DNAH11: variants seen among roughly 807,000 people sequenced by gnomAD.
The protein encoded by DNAH11 is axonemal beta dynein heavy chain 11.
Under a neutral mutation model 526.0 loss-of-function variants are expected in DNAH11, and 442 were observed. The ratio of observed to expected loss-of-function variants is 0.84; its 90% confidence interval spans 0.78 to 0.91. The LOEUF is 0.91. Ranked by LOEUF, DNAH11 falls within the 40% of genes least tolerant of loss-of-function variation. The pLI is 0.00. For synonymous variants in DNAH11, 2,461 were observed against 1,935.9 expected (o/e 1.27, Z -7.12); for missense variants, 6,989 against 5,448.7 (o/e 1.28, Z -8.90).
chr7:21,644,702 G>A (rs1787273428), intron 28 of DNAH11, among the ~76,000 whole-genome samples: 1 of 152,178 alleles, frequency 6.6e-6, no homozygotes, highest in Non-Finnish European at 1.5e-5. Context: ...AGGAATAGAA[G>A]CTGCTCATGA....
At chr7:21,767,440 A>T (rs2127974943) in intron 55 of DNAH11, among the ~76,000 whole-genome samples, 1 of 152,192 alleles carries the variant, frequency 6.6e-6, no homozygotes, top group East Asian at 1.9e-4. Context: ...AAGGAGTTTG[A>T]TATGCCGTTG....
At chr7:21,791,896 T>C (rs1281168871) in intron 61 of DNAH11, among the ~76,000 whole-genome samples, 3 of 152,218 alleles carry the variant, frequency 2.0e-5, no homozygotes, top group Non-Finnish European at 4.4e-5. Flanking sequence ...AAATACCTGA[T>C]ACTGGGTAAC....
chr7:21,823,591 A>G (rs1790147506), intron 65 of DNAH11, among the ~76,000 whole-genome samples: 1 of 152,016 alleles, frequency 6.6e-6, no homozygotes, highest in Admixed American at 6.6e-5. Context: ...CCCCCTTACA[A>G]TATGCTTAAT....
intron 11 of DNAH11, 70 bp from the exon 12 acceptor site, chr7:21,589,138 A>C: frequency 1.8e-6 from 2 of 1,135,078 alleles, no homozygotes; most frequent in Non-Finnish European, 2.5e-6. Flanking sequence ...ATATTGTATT[A>C]CTATACAATT....
chr7:21,705,139 T>TACTC (rs10693641), intron 38 of DNAH11, among the ~76,000 whole-genome samples: 6,497 of 152,214 alleles, frequency 0.043, 459 homozygotes, highest in African/African-American at 0.15. Flanking sequence ...TATAAATCAT[T>TACTC]AGTTGTAGAT....
chr7:21,684,222 C>A (rs1225381045), intron 32 of DNAH11, among the ~76,000 whole-genome samples: 1 of 152,152 alleles, frequency 6.6e-6, no homozygotes, highest in East Asian at 1.9e-4. Context: ...CTCCCTCCAC[C>A]CCCACAGGAT....
At position 21,561,067 on chromosome 7, in the gene DNAH11, T is replaced by C. The variant is rs781560218; in HGVS notation, c.883-4T>C. ...AAAGTTCTTCTTTTTTTCCTTTAAC[T>C]TAGCTTCAGGCACCTGTTGTCCTCA... On this transcript the variant is annotated splice_polypyrimidine_tract_variant and splice_region_variant and intron_variant, in intron 4 of 81. Transcript: ENST00000409508. The C allele has an allele frequency of 8.2e-6, 13 of 1,584,576 alleles. No homozygotes were observed. The highest frequency in any genetic ancestry group is 1.7e-4 in the Middle Eastern group (1 of 6,020).
At chr7:21,724,693 CATCTGTGGATATGGGAGTA>C (rs1583629959) in intron 44 of DNAH11, among the ~76,000 whole-genome samples, 137 of 103,140 alleles carry the variant, frequency 1.3e-3, no homozygotes, top group East Asian at 2.2e-3. Context: ...TGGGCCAGGT[CATCTGTGGATATGGGAGTA>C]ACTGGGCCAG....
chr7:21,707,931 T>G, intron 40 of DNAH11, 96 bp downstream of exon 40: 1 of 1,285,166 alleles, frequency 7.8e-7, no homozygotes, highest in Non-Finnish European at 1.0e-6. Flanking sequence ...GCAGACTTAC[T>G]GTTTATGTGT....
chr7:21,754,187 A>T (rs550415548), intron 54 of DNAH11, among the ~76,000 whole-genome samples: 1 of 152,054 alleles, frequency 6.6e-6, no homozygotes, highest in African/African-American at 2.4e-5. Context: ...CTTGATTCTT[A>T]CTTTAATGGG....
At chr7:21,599,682 C>A (rs1455326396) in intron 14 of DNAH11, 105 bp from the exon 15 acceptor site, 2 of 847,500 alleles carry the variant, frequency 2.4e-6, no homozygotes, top group Admixed American at 6.6e-5. Flanking sequence ...CTGTCTTGTG[C>A]ACAACAATGC....
chr7:21,810,526 G>A (rs78988031), intron 63 of DNAH11, among the ~76,000 whole-genome samples: 5,217 of 152,236 alleles, frequency 0.034, 292 homozygotes, highest in African/African-American at 0.11. Flanking sequence ...TTGAAATCAG[G>A]AGAACAGTTT....
chr7:21,785,651 C>G (rs943644735), intron 58 of DNAH11, among the ~76,000 whole-genome samples: 2 of 151,928 alleles, frequency 1.3e-5, no homozygotes, highest in African/African-American at 4.8e-5. Flanking sequence ...TGAATAATTA[C>G]TCTTTACTCA....
intron 40 of DNAH11, among the ~76,000 whole-genome samples, chr7:21,709,733 C>T (rs951012002): frequency 4.6e-5 from 7 of 152,068 alleles, no homozygotes; most frequent in African/African-American, 1.2e-4. Context: ...GGGAGAGAAT[C>T]GTATCTGTTT....
chr7:21,616,250 T>G lies in DNAH11; in HGVS notation c.4053T>G (p.Ile1351Met). ...GGACTAAAACCCAGTGGAGACAGAT[T>G]CATGTGGAACAGATGGATGTAGAAC... is the stretch of plus-strand genomic sequence containing the variant. ...DNWTKTQWRQ[I>M]HVEQMDVELR... Residue 1351 changes from isoleucine to methionine, a missense_variant, in exon 22 of 82, where the codon ATT (isoleucine) becomes ATG (methionine). Ile to Met is a conservative substitution (Grantham distance 10). Transcript: ENST00000409508. The G allele has an allele frequency of 6.2e-7, 1 of 1,613,676 alleles. No individual in the cohort carries two copies. Among genetic ancestry groups the G allele is most frequent in the African/African-American group, 1.3e-5 (1 of 75,020 alleles).
chr7:21,870,522 CAGTT>C lies in DNAH11; in HGVS notation c.11967+1534_11967+1537del, dbSNP rs575295459. ...TCAGAGAAAACAGTTGACACTCAGA[CAGTT>C]AGGTAAATTTTAAGGTTGTCTCAGA... On this transcript the variant is annotated intron_variant, in intron 73 of 81. Coordinates refer to ENST00000409508, the MANE Select transcript of DNAH11 (RefSeq NM_001277115.2). Among the ~76,000 whole-genome samples the C allele has an allele frequency of 7.6e-4, 116 of 152,246 alleles. 1 individual carries two copies. Among genetic ancestry groups the C allele is most frequent in the African/African-American group, 2.7e-3 (113 of 41,536 alleles).
Position 21,586,196 on chromosome 7 carries a change from T to C in DNAH11, c.1711-1868T>C, listed in dbSNP as rs371191638. Among the ~76,000 whole-genome samples the C allele has an allele frequency of 2.0e-5, 3 of 152,248 alleles. No homozygotes were observed. In the South Asian group the frequency reaches 6.2e-4, roughly 32 times the overall value. On this transcript the variant is annotated intron_variant, in intron 9 of 81. Coordinates refer to ENST00000409508, the MANE Select transcript of DNAH11 (RefSeq NM_001277115.2). The stretch of plus-strand genomic sequence containing the variant: ...CGCTAAGCTGGTGGGCAAGATGTGA[T>C]GTAGCTAGGAAGCTTCTGGTATTCT...
chr7:21,757,803 A>G (rs1269253247), intron 54 of DNAH11, among the ~76,000 whole-genome samples: 4 of 152,228 alleles, frequency 2.6e-5, no homozygotes, highest in African/African-American at 7.2e-5. Context: ...AGATTAACAG[A>G]CACACACATG....
At chr7:21,895,465 G>A (rs1236705769) in intron 79 of DNAH11, among the ~76,000 whole-genome samples, 1 of 152,152 alleles carries the variant, frequency 6.6e-6, no homozygotes, top group African/African-American at 2.4e-5. Flanking sequence ...AAACTAGACT[G>A]GGGGTATAAC....
Sources: allele counts gnomAD v4.1 joint callset (sites outside exome capture counted in the v4.1 genomes callset), GRCh38; gene constraint gnomAD v4.1.1; transcripts MANE v1.5; gene names NCBI Gene and HGNC (gene_info 2026-07-23, HGNC 2026-07-21).